The following PLAAT3 variants were observed in gnomAD, a reference collection of about 807,000 sequenced individuals.
The protein encoded by PLAAT3 is Ca-independent phospholipase A1/2.
Under a neutral mutation model 16.7 loss-of-function variants are expected in PLAAT3, and 21 were observed. The ratio of observed to expected loss-of-function variants is 1.26; its 90% CI spans 0.89 to 1.81. The LOEUF (loss-of-function observed/expected upper bound fraction) is 1.81. PLAAT3 is among the 40% of genes most tolerant of loss of function. PLAAT3 has a pLI of 0.00. For synonymous variants in PLAAT3, 76 were observed against 81.7 expected, an observed-to-expected ratio of 0.93 and a Z score of 0.38; for missense variants, 219 against 213.7, an observed-to-expected ratio of 1.02 and a Z score of -0.16.
intron 2 of PLAAT3, among the ~76,000 whole-genome samples, chr11:63,606,425 AACACACAC>A (rs34044017): frequency 2.4e-4 from 34 of 140,216 alleles, no homozygotes; most frequent in South Asian, 1.2e-3. Context: ...TCTACTATAA[AACACACAC>A]ACACACACAC....
At chr11:63,580,438 G>A (rs921247696) in intron 4 of PLAAT3, among the ~76,000 whole-genome samples, 5 of 152,094 alleles carry the variant, frequency 3.3e-5, no homozygotes, top group Admixed American at 6.6e-5. Flanking sequence ...GGTGGATCAC[G>A]AGGTCAGGAG....
At chr11:63,584,603 T>C (rs1937916538) in intron 4 of PLAAT3, among the ~76,000 whole-genome samples, 1 of 150,564 alleles carries the variant, frequency 6.6e-6, no homozygotes, top group African/African-American at 2.4e-5. Context: ...AAGCTCCGCC[T>C]CCTGGGTTCA....
chr11:63,611,217 C>T (rs949106576), intron 2 of PLAAT3, among the ~76,000 whole-genome samples: 2 of 152,258 alleles, frequency 1.3e-5, no homozygotes, highest in Admixed American at 6.5e-5. Context: ...AAGTGATCTA[C>T]CACCTTGGCC....
At chr11:63,608,696 T>C (rs569337042) in intron 2 of PLAAT3, 2 of 152,344 alleles carry the variant, frequency 1.3e-5, no homozygotes, top group African/African-American at 4.8e-5. Context: ...GGGTTGTTTA[T>C]GACATATTTC....
At position 63,574,785 on chromosome 11, in the gene PLAAT3, TCCC is replaced by T; in HGVS notation, c.*157_*159del. The T allele has an allele frequency of 1.7e-6, 1 of 605,506 alleles. No homozygotes were observed. The highest frequency in any genetic ancestry group is 3.0e-6 in the Non-Finnish European group (1 of 336,484). The allele number at this position is 605,506 out of a possible 1,614,324, so 37.5% of individuals were successfully genotyped here. A position where few individuals can be genotyped will look rare whatever the true frequency, so the allele number is the denominator to read the frequency against. On this transcript the variant is annotated 3_prime_UTR_variant, in exon 5 of 5. Coordinates refer to ENST00000415826, the MANE Select transcript of PLAAT3 (RefSeq NM_001128203.2). ...CACACCAGGCAGTTCTTGCTGCACT[TCCC>T]CCAATAAAATCCTCCCTCGTTTTGC...
At chr11:63,608,967 T>C (rs928960331) in intron 2 of PLAAT3, among the ~76,000 whole-genome samples, 2 of 152,166 alleles carry the variant, frequency 1.3e-5, no homozygotes, top group African/African-American at 4.8e-5. Context: ...AGAGTTAATA[T>C]CTAAAAAACA....
intron 4 of PLAAT3, among the ~76,000 whole-genome samples, chr11:63,582,354 A>C (rs750525275): frequency 4.6e-5 from 7 of 152,192 alleles, no homozygotes; most frequent in Non-Finnish European, 5.9e-5. Flanking sequence ...CAATTGGCCA[A>C]GGAGCAACCA....
At chr11:63,586,027 G>C (rs1240006867) in intron 4 of PLAAT3, among the ~76,000 whole-genome samples, 1 of 152,060 alleles carries the variant, frequency 6.6e-6, no homozygotes, top group South Asian at 2.1e-4. Flanking sequence ...GACCAGCCCA[G>C]ACAACAAAGT....
At chr11:63,579,872 T>TAAAAAAA (rs34817353) in intron 4 of PLAAT3, among the ~76,000 whole-genome samples, 4 of 106,974 alleles carry the variant, frequency 3.7e-5, no homozygotes, top group East Asian at 2.6e-4. Flanking sequence ...TAAAGTATAA[T>TAAAAAAA]AAAAAAAAAA....
intron 2 of PLAAT3, among the ~76,000 whole-genome samples, chr11:63,601,044 C>G (rs1019439329): frequency 1.3e-4 from 16 of 123,968 alleles, no homozygotes; most frequent in African/African-American, 4.5e-4. Context: ...AAAAATTAAA[C>G]AAAAAAAAAA....
chr11:63,585,509 T>C (rs1937949281), intron 4 of PLAAT3, among the ~76,000 whole-genome samples: 1 of 152,018 alleles, frequency 6.6e-6, no homozygotes, highest in Non-Finnish European at 1.5e-5. Flanking sequence ...CTGCTAAGCA[T>C]CCTACAGTGC....
chr11:63,590,029 C>A, intron 4 of PLAAT3, 71 bp downstream of exon 4: 1 of 1,464,842 alleles, frequency 6.8e-7, no homozygotes, highest in South Asian at 1.2e-5. Context: ...GCCTCCATAG[C>A]CATGCCCAGC....
chr11:63,579,804 A>T (rs1271609340), intron 4 of PLAAT3, among the ~76,000 whole-genome samples: 1 of 150,036 alleles, frequency 6.7e-6, no homozygotes, highest in Non-Finnish European at 1.5e-5. Flanking sequence ...GCACACCAAC[A>T]TGGCACATGT....
intron 2 of PLAAT3, among the ~76,000 whole-genome samples, chr11:63,602,091 G>A (rs111387885): frequency 6.6e-5 from 10 of 150,920 alleles, no homozygotes; most frequent in African/African-American, 1.7e-4. Flanking sequence ...AGTTTGAGAC[G>A]AGCCTGGCCA....
rs530484313 is a variant in PLAAT3 at position 63,588,518 on chromosome 11, C to G, written c.387+1582G>C. Reference sequence around the variant, plus strand: ...CCTTTTTAACCTGACAATATTCAGGCACTAATGAAGTTCTTCTCATGGCCC... The same window carrying G: ...CCTTTTTAACCTGACAATATTCAGGGACTAATGAAGTTCTTCTCATGGCCC... On this transcript the variant is annotated intron_variant, in intron 4 of 4. Coordinates refer to ENST00000415826, the MANE Select transcript of PLAAT3 (RefSeq NM_001128203.2). Among the ~76,000 whole-genome samples the G allele has an allele frequency of 2.6e-5, 4 of 152,276 alleles. No homozygotes were observed. In the South Asian group the frequency reaches 8.3e-4, roughly 32 times the overall value.
intron 3 of PLAAT3, 33 bp downstream of exon 3, chr11:63,598,028 G>T: frequency 2.9e-6 from 4 of 1,397,980 alleles, no homozygotes; most frequent in Non-Finnish European, 4.1e-6. Context: ...AGCCCCTGGG[G>T]CCCATCACAG....
At chr11:63,597,862 CCT>C (rs1224965846) in intron 3 of PLAAT3, among the ~76,000 whole-genome samples, 197 bp downstream of exon 3, 1 of 152,192 alleles carries the variant, frequency 6.6e-6, no homozygotes, top group African/African-American at 2.4e-5. Flanking sequence ...TAAAGAACCC[CCT>C]GAGGTTCCCA....
In PLAAT3 at chr11:63,608,423, G is replaced by GA. The variant is rs1342867101; in HGVS notation, c.15+5576dup. 4 of 152,466 alleles carry GA rather than the reference G, an allele frequency of 2.6e-5. No individual in the cohort carries two copies. In the East Asian group the frequency reaches 7.7e-4, roughly 29 times the overall value. 9.4% of individuals were successfully genotyped at this position (152,466 alleles called of 1,614,324 possible). Reference sequence around the variant, plus strand: ...TCTTCCTCACCCCTGCAAAGAAAAAGAAGACAGCCCCACCCTACAGCGGAC... The same window carrying GA: ...TCTTCCTCACCCCTGCAAAGAAAAAGAAAGACAGCCCCACCCTACAGCGGAC... On this transcript the variant is annotated intron_variant, in intron 2 of 4. Coordinates refer to ENST00000415826, the MANE Select transcript of PLAAT3 (RefSeq NM_001128203.2).
intron 4 of PLAAT3, among the ~76,000 whole-genome samples, chr11:63,579,041 A>C (rs2134391270): frequency 6.6e-6 from 1 of 152,192 alleles, no homozygotes; most frequent in East Asian, 1.9e-4. Context: ...AAAACAAACA[A>C]CCCCATCAAA....
Sources: allele counts gnomAD v4.1 joint callset (sites outside exome capture counted in the v4.1 genomes callset), GRCh38; gene constraint gnomAD v4.1.1; transcripts MANE v1.5; gene names NCBI Gene and HGNC (gene_info 2026-07-23, HGNC 2026-07-21).